The following SIPA1L3 variants were observed in gnomAD, a reference collection of about 807,000 sequenced individuals.
SIPA1L3 encodes signal-induced proliferation-associated 1-like protein 3.
A neutral mutation model predicts 150.1 loss-of-function variants in SIPA1L3; 59 were observed. The ratio of observed to expected loss-of-function variants is 0.39; its 90% CI spans 0.32 to 0.49. The LOEUF (loss-of-function observed/expected upper bound fraction) is 0.49. SIPA1L3 is among the 20% of genes least tolerant of loss of function. SIPA1L3 has a pLI of 0.86. For synonymous variants in SIPA1L3, 1,070 were observed against 1,077.6 expected (o/e 0.99, Z 0.14); for missense variants, 2,211 against 2,489.5 (o/e 0.89, Z 2.38).
intron 2 of SIPA1L3, among the ~76,000 whole-genome samples, chr19:38,065,389 CAT>C (rs941424556): frequency 2.5e-4 from 37 of 148,916 alleles, no homozygotes; most frequent in East Asian, 2.2e-3. Flanking sequence ...TCACTCTGCT[CAT>C]GTTTTCCCTC....
At chr19:38,050,989 G>A (rs1421978354) in intron 2 of SIPA1L3, among the ~76,000 whole-genome samples, 2 of 152,174 alleles carry the variant, frequency 1.3e-5, no homozygotes, top group Non-Finnish European at 2.9e-5. Flanking sequence ...AACCTGGGAG[G>A]CGGAGGTTGC....
chr19:38,153,875 A>T (rs1207672571), intron 13 of SIPA1L3, among the ~76,000 whole-genome samples: 1 of 152,118 alleles, frequency 6.6e-6, no homozygotes, highest in Non-Finnish European at 1.5e-5. Context: ...CAGAGGTTGC[A>T]GTGAGCCGAG....
chr19:37,991,612 G>T (rs548250054), intron 1 of SIPA1L3, among the ~76,000 whole-genome samples: 1 of 152,354 alleles, frequency 6.6e-6, no homozygotes, highest in South Asian at 2.1e-4. Flanking sequence ...GGCCCATTGT[G>T]CAGACAGCTT....
At chr19:38,012,233 A>G (rs576941047) in intron 1 of SIPA1L3, among the ~76,000 whole-genome samples, 61 of 151,918 alleles carry the variant, frequency 4.0e-4, no homozygotes, top group Admixed American at 4.6e-4. Context: ...CCACAGGTGC[A>G]TGCCCCCATG....
intron 6 of SIPA1L3, among the ~76,000 whole-genome samples, chr19:38,101,662 C>A (rs750597551): frequency 1.4e-4 from 21 of 152,186 alleles, no homozygotes; most frequent in Non-Finnish European, 2.2e-4. Flanking sequence ...CCACCCACCT[C>A]AGCCTCTCAA....
intron 1 of SIPA1L3, among the ~76,000 whole-genome samples, chr19:37,931,553 C>A (rs1281346884): frequency 6.6e-6 from 1 of 151,620 alleles, no homozygotes; most frequent in Non-Finnish European, 1.5e-5. Context: ...TCAAGACCAG[C>A]GTGGCTAACA....
chr19:38,159,046 G>A (rs761883299), intron 13 of SIPA1L3, among the ~76,000 whole-genome samples: 3 of 152,202 alleles, frequency 2.0e-5, no homozygotes, highest in South Asian at 4.1e-4. Flanking sequence ...CCCACCTCCC[G>A]GGGAGCCAGC....
intron 10 of SIPA1L3, among the ~76,000 whole-genome samples, chr19:38,132,263 C>CAAAAAAAAAAGAAAAAA: frequency 6.7e-6 from 1 of 149,904 alleles, no homozygotes; most frequent in South Asian, 2.1e-4. Flanking sequence ...AGTTGTTCAT[C>CAAAAAAAAAAGAAAAAA]AGAATTCTCC....
intron 20 of SIPA1L3, among the ~76,000 whole-genome samples, chr19:38,202,471 C>T (rs1418462900): frequency 2.6e-5 from 4 of 152,044 alleles, no homozygotes; most frequent in Non-Finnish European, 5.9e-5. Context: ...GCCTGTAATC[C>T]CAGCTACTCG....
intron 1 of SIPA1L3, among the ~76,000 whole-genome samples, chr19:37,994,029 G>T (rs1407993744): frequency 6.6e-6 from 1 of 151,964 alleles, no homozygotes; most frequent in Admixed American, 6.6e-5. Context: ...CAAGAAGCTG[G>T]GACTATAGGT....
intron 4 of SIPA1L3, among the ~76,000 whole-genome samples, chr19:38,092,200 A>G (rs888870732): frequency 6.6e-6 from 1 of 152,102 alleles, no homozygotes; most frequent in Non-Finnish European, 1.5e-5. Flanking sequence ...TAGGCACCAT[A>G]GTGATACCCG....
chr19:37,918,840 C>T (rs1250661888), intron 1 of SIPA1L3, among the ~76,000 whole-genome samples: 1 of 151,632 alleles, frequency 6.6e-6, no homozygotes, highest in East Asian at 1.9e-4. Context: ...CACTGCACTC[C>T]AGCCTGGGCG....
At chr19:38,132,682 C>G (rs1296693914) in intron 10 of SIPA1L3, among the ~76,000 whole-genome samples, 1 of 149,122 alleles carries the variant, frequency 6.7e-6, no homozygotes, top group South Asian at 2.1e-4. Context: ...GAGTCTTGCT[C>G]TGTCACCCAG....
intron 16 of SIPA1L3, among the ~76,000 whole-genome samples, chr19:38,190,823 TCATAATTTCTTCCAGAA>T (rs1391791683): frequency 6.6e-6 from 1 of 152,226 alleles, no homozygotes; most frequent in Non-Finnish European, 1.5e-5. Context: ...TTATCATGGT[TCATAATTTCTTCCAGAA>T]ATTGTTATCT....
chr19:37,937,849 A>ATCCTGGCC (rs2046615633), intron 1 of SIPA1L3, among the ~76,000 whole-genome samples: 1 of 150,864 alleles, frequency 6.6e-6, no homozygotes, highest in Non-Finnish European at 1.5e-5. Context: ...GATTGAGACC[A>ATCCTGGCC]TCCTGGCCTA....
At chr19:38,108,232 G>T (rs1970664903) in intron 7 of SIPA1L3, among the ~76,000 whole-genome samples, 1 of 152,148 alleles carries the variant, frequency 6.6e-6, no homozygotes. Context: ...AGAGAGCAGT[G>T]CCTTTTCCTG....
At chr19:38,063,541 C>T (rs1278735177) in intron 2 of SIPA1L3, among the ~76,000 whole-genome samples, 1 of 152,246 alleles carries the variant, frequency 6.6e-6, no homozygotes, top group Non-Finnish European at 1.5e-5. Flanking sequence ...CCAACAGATG[C>T]GGTCTTAGCA....
At chr19:37,911,378 T>C (rs984685601) in intron 1 of SIPA1L3, among the ~76,000 whole-genome samples, 3 of 152,154 alleles carry the variant, frequency 2.0e-5, no homozygotes, top group Admixed American at 2.0e-4. Flanking sequence ...GCTGGGCATG[T>C]CCTTCCAAGT....
At chr19:38,174,446 T>C (rs569206721) in intron 15 of SIPA1L3, among the ~76,000 whole-genome samples, 126 of 152,286 alleles carry the variant, frequency 8.3e-4, no homozygotes, top group Non-Finnish European at 3.8e-4. Context: ...GGGCTCTTCC[T>C]CTGACTGCCT....
Sources: gnomAD v4.1 joint callset for allele counts (sites outside exome capture counted in the v4.1 genomes callset) on GRCh38, gnomAD v4.1.1 for gene constraint, MANE v1.5 for transcripts, NCBI Gene and HGNC (gene_info 2026-07-23, HGNC 2026-07-21) for gene names.